CPD: variants seen among roughly 807,000 people sequenced by gnomAD.
CPD encodes the protein carboxypeptidase D, also known as metallocarboxypeptidase D.
A neutral mutation model predicts 138.3 loss-of-function variants in CPD; 69 were observed. That is an observed-to-expected ratio of 0.50 (90% CI 0.41 to 0.61). CPD has a LOEUF of 0.61. Among genes scored for constraint, CPD ranks in the 20% least tolerant of loss-of-function variants. The pLI is 0.00. For missense variants in CPD, 1,432 were observed against 1,733.3 expected, an observed-to-expected ratio of 0.83 and a Z score of 3.09; for synonymous variants, 651 against 642.1, an observed-to-expected ratio of 1.01 and a Z score of -0.21.
chr17:30,449,521 T>G (rs1913111265), intron 12 of CPD, 32 bp from the exon 13 acceptor site: 1 of 1,545,790 alleles, frequency 6.5e-7, no homozygotes, highest in African/African-American at 1.4e-5. Flanking sequence ...GCTTGATTAC[T>G]TGCTGATTTT....
intron 2 of CPD, among the ~76,000 whole-genome samples, chr17:30,395,170 CATAT>C (rs1911466194): frequency 1.4e-5 from 2 of 141,178 alleles, no homozygotes; most frequent in African/African-American, 5.2e-5. Context: ...TCAACCAGAA[CATAT>C]ATATAAATGA....
In CPD at chr17:30,439,045, T is replaced by C; in HGVS notation, c.2198T>C (p.Ile733Thr). 1 of 1,593,302 alleles carries C rather than the reference T, an allele frequency of 6.3e-7. No individual in the cohort carries two copies. The highest frequency in any genetic ancestry group is 1.8e-5 in the Admixed American group (1 of 54,672). ...CCTAATGAATATTTTCCTCATGGAA[T>C]AACAAATGGAGCTAGTTGGTATAAT... Reference protein sequence around the residue: ...MYPNEYFPHGITNGASWYNVP... With the variant: ...MYPNEYFPHGTTNGASWYNVP... Residue 733 changes from isoleucine (I) to threonine (T), a missense_variant, in exon 9 of 21, where the codon ATA becomes ACA. Physicochemically the swap from Ile to Thr is moderately conservative, Grantham distance 89 (BLOSUM62 -1). Transcript: ENST00000225719.
intron 2 of CPD, among the ~76,000 whole-genome samples, chr17:30,408,682 G>A (rs969237540): frequency 2.0e-5 from 3 of 152,150 alleles, no homozygotes; most frequent in Non-Finnish European, 4.4e-5. Flanking sequence ...TGCTGAAGTT[G>A]CTTATCAGCT....
At chr17:30,418,698 G>A (rs1912183845) in intron 2 of CPD, among the ~76,000 whole-genome samples, 1 of 152,118 alleles carries the variant, frequency 6.6e-6, no homozygotes, top group Admixed American at 6.5e-5. Context: ...TATGGATGTA[G>A]TTGTCCCCTC....
In CPD at chr17:30,469,172, CAG is replaced by C. The variant is rs1913723041; in HGVS notation, c.*4360_*4361del. The C allele has an allele frequency of 6.6e-5, 10 of 152,154 alleles. No homozygotes were observed. The highest frequency in any genetic ancestry group is 5.2e-4 in the Admixed American group (8 of 15,278). The allele number at this position is 152,154 out of a possible 1,614,324, so 9.4% of individuals were successfully genotyped here. The stretch of plus-strand genomic sequence containing the variant: ...TGGGAAAGCAAAGTTGTATGAGAAA[CAG>C]ACTCTGCTGATAAAGTACTCATAGT... On this transcript the variant is annotated 3_prime_UTR_variant, in exon 21 of 21. Transcript: ENST00000225719.
At chr17:30,433,192 C>CACCTTAGAGA (rs1912606449) in intron 8 of CPD, among the ~76,000 whole-genome samples, 1 of 152,152 alleles carries the variant, frequency 6.6e-6, no homozygotes. Context: ...CTGTTCATTT[C>CACCTTAGAGA]ACCTTAGAGA....
chr17:30,428,159 T>C (rs1377045892), intron 7 of CPD, among the ~76,000 whole-genome samples: 2 of 152,218 alleles, frequency 1.3e-5, no homozygotes, highest in African/African-American at 4.8e-5. Context: ...GACCACATTC[T>C]CATGTAGTAC....
intron 14 of CPD, chr17:30,454,349 T>G (rs1244960056): frequency 5.9e-5 from 9 of 152,322 alleles, no homozygotes. Flanking sequence ...TCCAAAAATC[T>G]CTAGGGCAGG....
At chr17:30,385,264 T>A in intron 2 of CPD, 28 bp downstream of exon 2, 2 of 1,609,882 alleles carry the variant, frequency 1.2e-6, no homozygotes, top group Non-Finnish European at 1.7e-6. Context: ...TTTGCTACAT[T>A]TTCCCCCTTG....
At chr17:30,421,011 G>A (rs1188386202) in intron 3 of CPD, 28 bp downstream of exon 3, 1 of 1,607,746 alleles carries the variant, frequency 6.2e-7, no homozygotes, top group Middle Eastern at 1.7e-4. Context: ...GAATGTTGGG[G>A]TATAGAAACA....
chr17:30,383,560 C>T (rs1911106940), intron 1 of CPD, among the ~76,000 whole-genome samples: 1 of 152,112 alleles, frequency 6.6e-6, no homozygotes, highest in Non-Finnish European at 1.5e-5. Context: ...TAGTTTTTAG[C>T]TAGTTTCTTT....
At chr17:30,419,775 G>T (rs941498343) in intron 2 of CPD, among the ~76,000 whole-genome samples, 1 of 152,234 alleles carries the variant, frequency 6.6e-6, no homozygotes, top group African/African-American at 2.4e-5. Flanking sequence ...AGTGGCAGAA[G>T]AATCTATGAC....
intron 2 of CPD, among the ~76,000 whole-genome samples, chr17:30,405,171 G>A (rs1350192721): frequency 6.6e-6 from 1 of 152,060 alleles, no homozygotes; most frequent in East Asian, 1.9e-4. Context: ...ACTTTTGAGG[G>A]CTTCAATATT....
intron 2 of CPD, among the ~76,000 whole-genome samples, chr17:30,388,736 C>T (rs918102118): frequency 2.6e-5 from 4 of 152,130 alleles, no homozygotes; most frequent in Admixed American, 6.5e-5. Flanking sequence ...GCGGGTGGCT[C>T]CTAATCCTCG....
chr17:30,382,593 C>T (rs1162957183), intron 1 of CPD, among the ~76,000 whole-genome samples: 1 of 152,058 alleles, frequency 6.6e-6, no homozygotes, highest in Non-Finnish European at 1.5e-5. Context: ...TAAGGAAAAT[C>T]GAAGTGAATT....
chr17:30,464,907 C>A lies in CPD; in HGVS notation c.*93C>A. 2 of 988,266 alleles carry A rather than the reference C, an allele frequency of 2.0e-6. No homozygotes were observed. Among genetic ancestry groups the A allele is most frequent in the Non-Finnish European group, 3.1e-6 (2 of 645,020 alleles). The allele number at this position is 988,266 out of a possible 1,614,324, so 61.2% of individuals were successfully genotyped here. On this transcript the variant is annotated 3_prime_UTR_variant, in exon 21 of 21. Transcript: ENST00000225719. The stretch of plus-strand genomic sequence containing the variant: ...TGCATTAAGAAGAGAGACTCTCTTG[C>A]TTCTTCAAAGAGCTTTGGGAAATTA...
chr17:30,388,430 C>T (rs1911255769), intron 2 of CPD, among the ~76,000 whole-genome samples: 1 of 152,236 alleles, frequency 6.6e-6, no homozygotes, highest in Non-Finnish European at 1.5e-5. Context: ...CAGTCCCCAA[C>T]CTTGGTTCCC....
intron 2 of CPD, among the ~76,000 whole-genome samples, chr17:30,396,626 CGATTGAAAGAG>C (rs1911515789): frequency 1.3e-5 from 2 of 152,102 alleles, no homozygotes; most frequent in Admixed American, 1.3e-4. Flanking sequence ...TGCTACAAAT[CGATTGAAAGAG>C]TTTAATGGGT....
chr17:30,458,431 A>G (rs1235569435), intron 17 of CPD, among the ~76,000 whole-genome samples: 5 of 152,172 alleles, frequency 3.3e-5, no homozygotes, highest in African/African-American at 1.2e-4. Context: ...GCTAAATCCA[A>G]GGTCATGAAG....
Sources: gnomAD v4.1 joint callset for allele counts (sites outside exome capture counted in the v4.1 genomes callset) on GRCh38, gnomAD v4.1.1 for gene constraint, MANE v1.5 for transcripts, NCBI Gene and HGNC (gene_info 2026-07-23, HGNC 2026-07-21) for gene names.